LIN52: variants seen among roughly 807,000 people sequenced by gnomAD.
LIN52 encodes lin-52 DREAM MuvB core complex component.
LIN52 carries 4 observed loss-of-function variants against 18.5 expected under a neutral mutation model. The observed-to-expected ratio is 0.22, with a 90% CI of 0.11 to 0.49. The LOEUF (loss-of-function observed/expected upper bound fraction) is 0.49. Among genes scored for constraint, LIN52 ranks in the 20% least tolerant of loss-of-function variants. The probability of loss-of-function intolerance (pLI) is 0.97; values close to 1 mark genes in which losing one functional copy is unlikely to be tolerated. For synonymous variants in LIN52, 34 were observed against 45.5 expected (o/e 0.75, Z 1.02); for missense variants, 102 against 139.5 (o/e 0.73, Z 1.35).
At chr14:74,131,683 G>A (rs8021511) in intron 5 of LIN52, among the ~76,000 whole-genome samples, 23 of 152,212 alleles carry the variant, frequency 1.5e-4, no homozygotes, top group South Asian at 4.1e-4. Flanking sequence ...TTTTTAATAC[G>A]CATTTCTTGG....
intron 1 of LIN52, among the ~76,000 whole-genome samples, chr14:74,088,397 A>AT (rs2060749904): frequency 6.6e-6 from 1 of 151,890 alleles, no homozygotes; most frequent in Non-Finnish European, 1.5e-5. Context: ...CCACCTTATT[A>AT]TTTTTTGTAG....
intron 5 of LIN52, among the ~76,000 whole-genome samples, chr14:74,147,645 T>C (rs2061157843): frequency 6.6e-6 from 1 of 152,194 alleles, no homozygotes; most frequent in Admixed American, 6.5e-5. Context: ...ATACATGCAA[T>C]GGAATATTAT....
chr14:74,114,804 A>T (rs1394158136), intron 5 of LIN52, among the ~76,000 whole-genome samples: 1 of 152,210 alleles, frequency 6.6e-6, no homozygotes, highest in Non-Finnish European at 1.5e-5. Context: ...AGAAATCAAT[A>T]TGTGAAATAG....
At chr14:74,183,965 A>G (rs1216912419) in intron 5 of LIN52, among the ~76,000 whole-genome samples, 1 of 152,204 alleles carries the variant, frequency 6.6e-6, no homozygotes, top group Non-Finnish European at 1.5e-5. Context: ...GATCCAAACA[A>G]GGTCTGTACA....
intron 3 of LIN52, 29 bp from the exon 4 acceptor site, chr14:74,097,765 G>T (rs2098032): frequency 0.21 from 314,674 of 1,516,808 alleles, 37,085 homozygotes; most frequent in South Asian, 0.46. Flanking sequence ...CTTTTTATGT[G>T]TCTGAATGGA....
At chr14:74,195,148 A>G (rs1328622260) in intron 5 of LIN52, among the ~76,000 whole-genome samples, 1 of 152,080 alleles carries the variant, frequency 6.6e-6, no homozygotes, top group Non-Finnish European at 1.5e-5. Context: ...CTCTGTTTCA[A>G]AAAAAAAGAA....
chr14:74,169,610 T>C (rs1310674214), intron 5 of LIN52, among the ~76,000 whole-genome samples: 1 of 152,250 alleles, frequency 6.6e-6, no homozygotes, highest in Non-Finnish European at 1.5e-5. Context: ...ACAGTTGTTA[T>C]TTATGATGTT....
chr14:74,199,028 C>T lies in LIN52; in HGVS notation c.*51C>T, dbSNP rs61738632. Reference sequence around the variant, plus strand: ...GGGGTCCGAAACCAAGCTCCCTTCCCGGTGCACCTCTAACAATGCACACCT... The same window carrying T: ...GGGGTCCGAAACCAAGCTCCCTTCCTGGTGCACCTCTAACAATGCACACCT... On this transcript the variant is annotated 3_prime_UTR_variant, in exon 6 of 6. Coordinates refer to ENST00000555028, the MANE Select transcript of LIN52 (RefSeq NM_001024674.3). The T allele has an allele frequency of 4.2e-4, 549 of 1,293,956 alleles. 3 individuals carry two copies. In the African/African-American group the frequency reaches 7.0e-3, roughly 17 times the overall value. The allele number at this position is 1,293,956 out of a possible 1,614,324, so 80.2% of individuals were successfully genotyped here. A position where few individuals can be genotyped will look rare whatever the true frequency, so the allele number is the denominator to read the frequency against.
intron 5 of LIN52, among the ~76,000 whole-genome samples, chr14:74,194,692 G>A (rs544923284): frequency 6.6e-6 from 1 of 152,300 alleles, no homozygotes; most frequent in East Asian, 1.9e-4. Flanking sequence ...AATAGGGCCT[G>A]TAAATCATGA....
At chr14:74,179,551 C>T (rs2061308148) in intron 5 of LIN52, among the ~76,000 whole-genome samples, 2 of 151,094 alleles carry the variant, frequency 1.3e-5, no homozygotes, top group Non-Finnish European at 2.9e-5. Flanking sequence ...CCCAGCTACT[C>T]GGGAGGCTGC....
chr14:74,128,977 C>CT (rs1432942795), intron 5 of LIN52, among the ~76,000 whole-genome samples: 6 of 152,044 alleles, frequency 3.9e-5, no homozygotes, highest in Non-Finnish European at 8.8e-5. Context: ...AACAACAACC[C>CT]TGGAGGAGGA....
intron 5 of LIN52, among the ~76,000 whole-genome samples, chr14:74,190,389 CTTTTTTTTT>C (rs68037994): frequency 9.4e-6 from 1 of 106,306 alleles, no homozygotes; most frequent in East Asian, 3.4e-4. Context: ...GCCTAAATAA[CTTTTTTTTT>C]TTTTTTTTTT....
At chr14:74,182,102 C>T (rs2061320644) in intron 5 of LIN52, among the ~76,000 whole-genome samples, 1 of 152,164 alleles carries the variant, frequency 6.6e-6, no homozygotes, top group Admixed American at 6.5e-5. Context: ...CTTCTGCCTC[C>T]CAGGCTCAAG....
At chr14:74,128,581 A>T (rs1595167071) in intron 5 of LIN52, among the ~76,000 whole-genome samples, 1 of 152,196 alleles carries the variant, frequency 6.6e-6, no homozygotes, top group East Asian at 1.9e-4. Flanking sequence ...GTCAAAACAT[A>T]CCAAACTATA....
At chr14:74,124,707 G>A (rs2061018395) in intron 5 of LIN52, among the ~76,000 whole-genome samples, 1 of 151,334 alleles carries the variant, frequency 6.6e-6, no homozygotes, top group African/African-American at 2.4e-5. Context: ...CTACTCAGTG[G>A]GGCTGAGGTC....
chr14:74,165,327 C>T (rs181744509), intron 5 of LIN52, among the ~76,000 whole-genome samples: 1 of 151,868 alleles, frequency 6.6e-6, no homozygotes, highest in East Asian at 1.9e-4. Flanking sequence ...TAGAAAATGC[C>T]TCAAATTGAA....
At chr14:74,194,534 AC>A (rs1047938570) in intron 5 of LIN52, among the ~76,000 whole-genome samples, 1 of 152,138 alleles carries the variant, frequency 6.6e-6, no homozygotes, top group Non-Finnish European at 1.5e-5. Flanking sequence ...AACAGTGGAA[AC>A]CTGAAAGTTG....
At chr14:74,127,777 A>G (rs908805857) in intron 5 of LIN52, among the ~76,000 whole-genome samples, 5 of 151,944 alleles carry the variant, frequency 3.3e-5, no homozygotes, top group Non-Finnish European at 5.9e-5. Flanking sequence ...GGGTCTTGCT[A>G]TGTTGCCCAG....
At chr14:74,130,748 C>T (rs757969518) in intron 5 of LIN52, among the ~76,000 whole-genome samples, 31 of 151,350 alleles carry the variant, frequency 2.0e-4, no homozygotes, top group Non-Finnish European at 4.1e-4. Context: ...TGCCACCACG[C>T]GTGGCTAATT....
Sources: allele counts gnomAD v4.1 joint callset (sites outside exome capture counted in the v4.1 genomes callset), GRCh38; gene constraint gnomAD v4.1.1; transcripts MANE v1.5; gene names NCBI Gene and HGNC (gene_info 2026-07-23, HGNC 2026-07-21).